The following GPC5 variants were observed in gnomAD, a reference collection of about 807,000 sequenced individuals.
GPC5 encodes the protein glypican-5.
A neutral mutation model predicts 53.9 loss-of-function variants in GPC5; 47 were observed. The ratio of observed to expected loss-of-function variants is 0.87; its 90% confidence interval spans 0.69 to 1.11. The LOEUF (loss-of-function observed/expected upper bound fraction) is 1.11, where lower values mean the gene tolerates loss of function less well. Ranked by LOEUF, GPC5 falls within the 50% of genes most tolerant of loss-of-function variation. The pLI is 0.00. For synonymous variants in GPC5, 286 were observed against 263.3 expected (o/e 1.09, Z -0.84); for missense variants, 748 against 713.1 (o/e 1.05, Z -0.56).
At chr13:92,348,356 A>G (rs2043445621) in intron 7 of GPC5, among the ~76,000 whole-genome samples, 1 of 152,042 alleles carries the variant, frequency 6.6e-6, no homozygotes, top group Non-Finnish European at 1.5e-5. Context: ...ATGATAATAA[A>G]GGGGTCAATT....
intron 7 of GPC5, among the ~76,000 whole-genome samples, chr13:92,284,049 AG>A (rs1405934135): frequency 6.6e-6 from 1 of 151,708 alleles, no homozygotes; most frequent in Non-Finnish European, 1.5e-5. Context: ...AAAATGATAA[AG>A]GGGATATCAC....
intron 7 of GPC5, among the ~76,000 whole-genome samples, chr13:92,525,581 A>G (rs148036930): frequency 4.1e-4 from 63 of 152,050 alleles, no homozygotes; most frequent in African/African-American, 1.2e-3. Flanking sequence ...AATGTTTCTA[A>G]TATGTCTACC....
intron 7 of GPC5, among the ~76,000 whole-genome samples, chr13:92,205,078 C>T (rs1482087879): frequency 1.3e-5 from 2 of 152,140 alleles, no homozygotes; most frequent in South Asian, 2.1e-4. Context: ...AGGGGTTTCA[C>T]CATGTTAGCT....
At chr13:91,530,428 ACTTCTAGTATAAGACCTCT>A (rs1886291944) in intron 2 of GPC5, among the ~76,000 whole-genome samples, 1 of 152,226 alleles carries the variant, frequency 6.6e-6, no homozygotes, top group African/African-American at 2.4e-5. Context: ...AACTGGTTCA[ACTTCTAGTATAAGACCTCT>A]GACACCAGTA....
intron 7 of GPC5, among the ~76,000 whole-genome samples, chr13:92,750,077 ACTC>A (rs1173976265): frequency 6.6e-6 from 1 of 152,024 alleles, no homozygotes; most frequent in Non-Finnish European, 1.5e-5. Flanking sequence ...GAACAAGAAT[ACTC>A]CTAATGGAGC....
chr13:91,856,165 T>G (rs1200277587), intron 5 of GPC5, among the ~76,000 whole-genome samples: 1 of 151,612 alleles, frequency 6.6e-6, no homozygotes, highest in Non-Finnish European at 1.5e-5. Context: ...TGGTTCATTG[T>G]TTTCATTGCT....
intron 7 of GPC5, among the ~76,000 whole-genome samples, chr13:92,326,945 G>A (rs2139230621): frequency 6.6e-6 from 1 of 152,196 alleles, no homozygotes; most frequent in South Asian, 2.1e-4. Flanking sequence ...CTTGGCTGCA[G>A]TGACCAGTGT....
At chr13:91,593,768 G>A (rs1040869916) in intron 2 of GPC5, among the ~76,000 whole-genome samples, 5 of 151,898 alleles carry the variant, frequency 3.3e-5, no homozygotes, top group African/African-American at 9.7e-5. Context: ...TGAAAAAAAC[G>A]AATGTTTTCA....
rs370213512 is a variant in GPC5 at position 91,843,637 on chromosome 13, G to A, written c.1281-64300G>A. 2.0e-5 allele frequency among the ~76,000 whole-genome samples: 3 copies of A among 152,270 alleles called. No homozygotes were observed. In the East Asian group the frequency reaches 5.8e-4, roughly 29 times the overall value. ...GTATACCAGCAAAGCTCTTAAATAG[G>A]GGGGTCATAGAGCCAGAAGACATCT... On this transcript the variant is annotated intron_variant, in intron 5 of 7. Coordinates refer to ENST00000377067, the MANE Select transcript of GPC5 (RefSeq NM_004466.6).
At chr13:91,583,516 T>G (rs767165969) in intron 2 of GPC5, among the ~76,000 whole-genome samples, 1 of 152,186 alleles carries the variant, frequency 6.6e-6, no homozygotes, top group Non-Finnish European at 1.5e-5. Flanking sequence ...TACCTAGTAC[T>G]GATCATATTC....
intron 7 of GPC5, among the ~76,000 whole-genome samples, chr13:92,645,743 C>T (rs553240613): frequency 8.6e-5 from 13 of 152,018 alleles, no homozygotes; most frequent in African/African-American, 3.1e-4. Context: ...AATGATATTT[C>T]CTTGTGGTTT....
rs1879336924 is a variant in GPC5 at position 92,866,368 on chromosome 13, T to C, written c.1648T>C (p.Cys550Arg). 1 of 1,613,012 alleles carries C rather than the reference T, an allele frequency of 6.2e-7. No individual in the cohort carries two copies. Among genetic ancestry groups the C allele is most frequent in the South Asian group, 1.1e-5 (1 of 91,024 alleles). Reference sequence around the variant, plus strand: ...TACTTTAGACACAACAGGAGCAGGATGTGCAGTGGCGACTGAATCTATGAC... The same window carrying C: ...TACTTTAGACACAACAGGAGCAGGACGTGCAGTGGCGACTGAATCTATGAC... ...GSTLDTTGAG[C>R]AVATESMTFT... Residue 550 changes from cysteine to arginine, a missense_variant, in exon 8 of 8, where the codon TGT becomes CGT. Physicochemically the swap from Cys to Arg is radical, Grantham distance 180. Coordinates refer to ENST00000377067, the MANE Select transcript of GPC5 (RefSeq NM_004466.6).
intron 7 of GPC5, among the ~76,000 whole-genome samples, chr13:92,662,838 C>T (rs992234619): frequency 6.6e-6 from 1 of 152,190 alleles, no homozygotes; most frequent in Admixed American, 6.5e-5. Context: ...CTTTGCATGG[C>T]AATCACACTC....
chr13:92,840,208 G>A (rs993116013), intron 7 of GPC5, among the ~76,000 whole-genome samples: 5 of 150,454 alleles, frequency 3.3e-5, no homozygotes, highest in South Asian at 2.1e-4. Flanking sequence ...TGTAGGAGGC[G>A]ACAGGATTCC....
chr13:91,454,352 T>C (rs1881392926), intron 2 of GPC5, among the ~76,000 whole-genome samples: 1 of 152,102 alleles, frequency 6.6e-6, no homozygotes, highest in Admixed American at 6.6e-5. Flanking sequence ...TTTTTTAAAC[T>C]CTAAGAAGTA....
intron 2 of GPC5, among the ~76,000 whole-genome samples, chr13:91,665,485 G>T (rs965715005): frequency 1.0e-4 from 15 of 147,850 alleles, no homozygotes; most frequent in Admixed American, 9.4e-4. Flanking sequence ...TGTGGATGTG[G>T]GCATTCAGGA....
At position 92,515,703 on chromosome 13, in the gene GPC5, C is replaced by T. The variant is rs1330439583; in HGVS notation, c.1562-350579C>T. On this transcript the variant is annotated intron_variant, in intron 7 of 7. Transcript: ENST00000377067. ...AAGACACAGTGTAATACTTTATTAACCACCAAAAATGGAAATCCTGGTTTA... is the reference window on the plus strand; with the variant it reads ...AAGACACAGTGTAATACTTTATTAATCACCAAAAATGGAAATCCTGGTTTA... Among the ~76,000 whole-genome samples the T allele has an allele frequency of 2.0e-5, 3 of 152,084 alleles. No individual in the cohort carries two copies. In the East Asian group the frequency reaches 5.8e-4, roughly 29 times the overall value.
chr13:91,650,375 A>T (rs973700156), intron 2 of GPC5, among the ~76,000 whole-genome samples: 1 of 152,118 alleles, frequency 6.6e-6, no homozygotes. Context: ...TGTAGTATGT[A>T]ACCTTATAGT....
At chr13:92,296,996 C>A (rs1025646454) in intron 7 of GPC5, among the ~76,000 whole-genome samples, 3 of 152,218 alleles carry the variant, frequency 2.0e-5, no homozygotes, top group Non-Finnish European at 4.4e-5. Flanking sequence ...ACGAGCACCA[C>A]CCCCTGCTCC....
Sources: allele counts gnomAD v4.1 joint callset (sites outside exome capture counted in the v4.1 genomes callset), GRCh38; gene constraint gnomAD v4.1.1; transcripts MANE v1.5; gene names NCBI Gene and HGNC (gene_info 2026-07-23, HGNC 2026-07-21).